The following MAP3K1 variants were observed in gnomAD, a reference collection of about 807,000 sequenced individuals.
MAP3K1 encodes the protein MAP/ERK kinase kinase 1.
In MAP3K1, 36 loss-of-function variants were observed where a neutral mutation model predicts 144.2. That is an observed-to-expected ratio of 0.25 (90% CI 0.19 to 0.33). The LOEUF is 0.33. Among genes scored for constraint, MAP3K1 ranks in the 10% least tolerant of loss-of-function variants. The probability of loss-of-function intolerance (pLI) is 1.00; values close to 1 mark genes in which losing one functional copy is unlikely to be tolerated. For missense variants in MAP3K1, 1,650 were observed against 1,881.9 expected, an observed-to-expected ratio of 0.88 and a Z score of 2.28; for synonymous variants, 718 against 688.7, an observed-to-expected ratio of 1.04 and a Z score of -0.67.
At chr5:56,832,691 C>A (rs996687345) in intron 1 of MAP3K1, among the ~76,000 whole-genome samples, 1 of 152,084 alleles carries the variant, frequency 6.6e-6, no homozygotes, top group African/African-American at 2.4e-5. Flanking sequence ...TTTGTTTAAT[C>A]AGAGCACAAA....
At chr5:56,830,346 A>AT (rs1037608272) in intron 1 of MAP3K1, among the ~76,000 whole-genome samples, 3 of 152,050 alleles carry the variant, frequency 2.0e-5, no homozygotes, top group Non-Finnish European at 4.4e-5. Flanking sequence ...CCAAAATGAA[A>AT]TTTTTTTTCC....
intron 1 of MAP3K1, among the ~76,000 whole-genome samples, chr5:56,816,319 G>A (rs1409395217): frequency 2.0e-5 from 3 of 152,064 alleles, no homozygotes; most frequent in Admixed American, 6.5e-5. Flanking sequence ...CTCTCTGCGG[G>A]GAACCGTTGC....
chr5:56,843,855 G>A (rs974862449), intron 1 of MAP3K1, among the ~76,000 whole-genome samples: 3 of 152,150 alleles, frequency 2.0e-5, no homozygotes, highest in Admixed American at 6.5e-5. Flanking sequence ...GATTCCTGGT[G>A]TTAGTTTTTT....
intron 1 of MAP3K1, among the ~76,000 whole-genome samples, chr5:56,831,961 T>C (rs2111784532): frequency 6.6e-6 from 1 of 152,306 alleles, no homozygotes; most frequent in African/African-American, 2.4e-5. Context: ...GTGTCTTTAG[T>C]GGAAAGATAT....
intron 19 of MAP3K1, 117 bp downstream of exon 19, chr5:56,888,474 T>G: frequency 1.1e-6 from 1 of 880,136 alleles, no homozygotes; most frequent in Non-Finnish European, 1.8e-6. Flanking sequence ...ATAAATAGTC[T>G]GTATATTTAT....
chr5:56,870,207 G>A (rs756260111), intron 6 of MAP3K1, among the ~76,000 whole-genome samples: 1 of 152,016 alleles, frequency 6.6e-6, no homozygotes, highest in Non-Finnish European at 1.5e-5. Flanking sequence ...TGCAATATTG[G>A]GCCTAGCTTA....
intron 17 of MAP3K1, 117 bp from the exon 18 acceptor site, chr5:56,887,261 C>A: frequency 3.2e-6 from 3 of 932,700 alleles, no homozygotes; most frequent in Non-Finnish European, 5.1e-6. Flanking sequence ...GCACCTCTGA[C>A]ATGTAGTTCA....
intron 1 of MAP3K1, among the ~76,000 whole-genome samples, chr5:56,837,046 C>T (rs1366262116): frequency 6.6e-6 from 1 of 151,914 alleles, no homozygotes; most frequent in African/African-American, 2.4e-5. Context: ...AGCAGTATCC[C>T]CCCACCTTAA....
At chr5:56,887,245 C>A in intron 17 of MAP3K1, 133 bp from the exon 18 acceptor site, 1 of 807,674 alleles carries the variant, frequency 1.2e-6, no homozygotes, top group Non-Finnish European at 2.1e-6. Flanking sequence ...AAGAGAATAA[C>A]TGTTTGCACC....
chr5:56,827,850 C>T (rs902274269), intron 1 of MAP3K1, among the ~76,000 whole-genome samples: 7 of 149,692 alleles, frequency 4.7e-5, no homozygotes, highest in East Asian at 2.0e-4. Flanking sequence ...GGTGACATGA[C>T]GAAAACTCCA....
rs532486075 is a variant in MAP3K1 at position 56,852,744 on chromosome 5, G to T, written c.483-3856G>T. Among the ~76,000 whole-genome samples, 3 of 152,074 alleles carry T rather than the reference G, an allele frequency of 2.0e-5. No homozygotes were observed. In the East Asian group the frequency reaches 5.8e-4, roughly 29 times the overall value. On this transcript the variant is annotated intron_variant, in intron 1 of 19. Transcript: ENST00000399503. ...TAATGTTTGGCAAAAATAACTCCCC[G>T]AAACATTCACGTTTAACCAACATGA...
At chr5:56,817,447 C>T (rs576481948) in intron 1 of MAP3K1, among the ~76,000 whole-genome samples, 11 of 152,250 alleles carry the variant, frequency 7.2e-5, no homozygotes, top group Admixed American at 5.2e-4. Context: ...TGATTATTTG[C>T]TTAAAATCAC....
chr5:56,885,866 C>T lies in MAP3K1; in HGVS notation c.3983-66C>T, dbSNP rs1748362738. 9.6e-6 allele frequency: 14 copies of T among 1,464,080 alleles called. No homozygotes were observed. In the South Asian group the frequency reaches 1.5e-4, roughly 16 times the overall value. 90.7% of individuals were successfully genotyped at this position (1,464,080 alleles called of 1,614,324 possible). ...GTTCATGCAGTGAAAACTTTAGAAACCAAAGTGTAATAAATACTTTTAATT... is the reference window on the plus strand; with the variant it reads ...GTTCATGCAGTGAAAACTTTAGAAATCAAAGTGTAATAAATACTTTTAATT... On this transcript the variant is annotated intron_variant, in intron 16 of 19. Coordinates refer to ENST00000399503, the MANE Select transcript of MAP3K1 (RefSeq NM_005921.2).
At chr5:56,854,221 G>A (rs908343665) in intron 1 of MAP3K1, among the ~76,000 whole-genome samples, 1 of 151,958 alleles carries the variant, frequency 6.6e-6, no homozygotes, top group African/African-American at 2.4e-5. Flanking sequence ...ATCACCTGAG[G>A]TCAGGAGTTC....
chr5:56,864,737 C>G lies in MAP3K1; in HGVS notation c.838C>G (p.Gln280Glu). 1 of 1,613,962 alleles carries G rather than the reference C, an allele frequency of 6.2e-7. No individual in the cohort carries two copies. The highest frequency in any genetic ancestry group is 8.5e-7 in the Non-Finnish European group (1 of 1,179,918). ...AATAAAAAAAAATGTTGTGAAGTTT[C>G]AGAGTGGCAGAATCACACCACCCCG... is the stretch of plus-strand genomic sequence containing the variant. Reference protein sequence around the residue: ...RRKRVSPVPFQSGRITPPRRA... With the variant: ...RRKRVSPVPFESGRITPPRRA... Residue 280 changes from glutamine (Q) to glutamate (E), a missense_variant, in exon 4 of 20, where the codon CAG becomes GAG. By Grantham distance (29) the Gln-to-Glu change is conservative. Coordinates refer to ENST00000399503, the MANE Select transcript of MAP3K1 (RefSeq NM_005921.2).
At chr5:56,870,508 A>G (rs1747818661) in intron 6 of MAP3K1, among the ~76,000 whole-genome samples, 1 of 152,244 alleles carries the variant, frequency 6.6e-6, no homozygotes, top group Non-Finnish European at 1.5e-5. Flanking sequence ...TTTAAAAATT[A>G]CATAAATCAA....
At chr5:56,850,678 A>G (rs1167638022) in intron 1 of MAP3K1, among the ~76,000 whole-genome samples, 2 of 152,252 alleles carry the variant, frequency 1.3e-5, no homozygotes, top group East Asian at 3.9e-4. Context: ...CCTGCCACTC[A>G]CTTACAAACT....
At chr5:56,850,884 TC>T (rs1416621782) in intron 1 of MAP3K1, among the ~76,000 whole-genome samples, 8 of 152,222 alleles carry the variant, frequency 5.3e-5, no homozygotes, top group Admixed American at 3.9e-4. Context: ...AATATTTCCT[TC>T]CTAAGGATGA....
At position 56,865,863 on chromosome 5, in the gene MAP3K1, G is replaced by A. The variant is rs2111894073; in HGVS notation, c.1187G>A (p.Arg396His). 2.5e-6 allele frequency: 4 copies of A among 1,614,048 alleles called. No individual in the cohort carries two copies. Among genetic ancestry groups the A allele is most frequent in the Non-Finnish European group, 3.4e-6 (4 of 1,179,956 alleles). The change falls in exon 6 of 20, where the codon CGT becomes CAT. Residue 396 changes from arginine (R) to histidine (H), a missense_variant. This residue lies in a region of MAP3K1 where 125 missense variants were observed against 179.9 expected (regional missense o/e 0.69). Transcript: ENST00000399503. Reference protein sequence around the residue: ...ESLFQKYHSRRSSRIKAPSRN... With the variant: ...ESLFQKYHSRHSSRIKAPSRN... ...TTGTTCCAGAAATATCACAGTAGGCGTAGCTCAAGGATCAAAGCTCCATCT... is the reference window on the plus strand; with the variant it reads ...TTGTTCCAGAAATATCACAGTAGGCATAGCTCAAGGATCAAAGCTCCATCT...
Sources: gnomAD v4.1 joint callset for allele counts (sites outside exome capture counted in the v4.1 genomes callset) on GRCh38, gnomAD v4.1.1 for gene constraint, gnomAD v4.1.1 regional missense constraint, MANE v1.5 for transcripts, NCBI Gene and HGNC (gene_info 2026-07-23, HGNC 2026-07-21) for gene names.